Variants in DPYD observed in about 807,000 individuals in gnomAD.
DPYD encodes the protein dihydropyrimidine dehydrogenase [NADP(+)].
Under a neutral mutation model 116.2 loss-of-function variants are expected in DPYD, and 109 were observed. That is an observed-to-expected ratio of 0.94 (90% confidence interval 0.80 to 1.10). DPYD has a LOEUF of 1.10. Ranked by LOEUF, DPYD falls within the 50% of genes least tolerant of loss-of-function variation. The pLI is 0.00. For missense variants in DPYD, 1,302 were observed against 1,254.5 expected (o/e 1.04, Z -0.57); for synonymous variants, 440 against 432.0 (o/e 1.02, Z -0.23).
intron 12 of DPYD, among the ~76,000 whole-genome samples, chr1:97,524,733 T>A (rs1491001957): frequency 6.6e-6 from 1 of 152,190 alleles, no homozygotes; most frequent in African/African-American, 2.4e-5. Context: ...TAGGATGTTA[T>A]CCTTCTTGAT....
intron 19 of DPYD, among the ~76,000 whole-genome samples, chr1:97,215,073 A>ATT (rs1241897079): frequency 6.6e-6 from 1 of 152,238 alleles, no homozygotes; most frequent in Non-Finnish European, 1.5e-5. Context: ...GATGATGATA[A>ATT]TTAATAGCTT....
At chr1:97,375,845 A>T (rs1026942897) in intron 15 of DPYD, among the ~76,000 whole-genome samples, 2 of 152,186 alleles carry the variant, frequency 1.3e-5, no homozygotes, top group African/African-American at 4.8e-5. Context: ...TTTCCTGTAG[A>T]CTTCTCTATT....
intron 20 of DPYD, among the ~76,000 whole-genome samples, chr1:97,127,766 C>A (rs1340709402): frequency 6.6e-6 from 1 of 152,112 alleles, no homozygotes; most frequent in Non-Finnish European, 1.5e-5. Flanking sequence ...ATTTCCATTT[C>A]TGGAGCCATT....
chr1:97,844,534 G>A (rs972792210), intron 2 of DPYD, among the ~76,000 whole-genome samples: 3 of 152,220 alleles, frequency 2.0e-5, no homozygotes, highest in African/African-American at 7.2e-5. Flanking sequence ...GGCTCACAGA[G>A]CTTTGGGTCA....
At chr1:97,627,231 C>A (rs528872929) in intron 8 of DPYD, among the ~76,000 whole-genome samples, 1 of 152,200 alleles carries the variant, frequency 6.6e-6, no homozygotes, top group African/African-American at 2.4e-5. Context: ...GGTAAAACAT[C>A]TGCTGAGATG....
intron 10 of DPYD, among the ~76,000 whole-genome samples, chr1:97,580,209 A>T (rs1027797015): frequency 3.9e-5 from 6 of 152,256 alleles, no homozygotes; most frequent in Admixed American, 3.9e-4. Flanking sequence ...AATAAGCCAA[A>T]GTTTGAGAAG....
intron 14 of DPYD, among the ~76,000 whole-genome samples, chr1:97,438,739 G>A (rs1348635438): frequency 6.6e-6 from 1 of 151,998 alleles, no homozygotes; most frequent in African/African-American, 2.4e-5. Flanking sequence ...ACAACAGCCT[G>A]TGGGCTATCT....
intron 19 of DPYD, among the ~76,000 whole-genome samples, chr1:97,207,438 T>C (rs1258530275): frequency 6.6e-6 from 1 of 152,160 alleles, no homozygotes; most frequent in East Asian, 1.9e-4. Context: ...AAAGTACTAT[T>C]TGTCACAGAC....
Position 97,154,044 on chromosome 1 carries a change from G to A in DPYD, c.2622+39025C>T, listed in dbSNP as rs543871242. 9.9e-5 allele frequency among the ~76,000 whole-genome samples: 15 copies of A among 151,692 alleles called. No individual in the cohort carries two copies. The South Asian group carries it at 3.1e-3, about 32-fold the overall frequency. On this transcript the variant is annotated intron_variant, in intron 20 of 22. Transcript: ENST00000370192. Reference sequence around the variant, plus strand: ...AAAAGGGAACACTTTTGCACTGTTGGTAGGAATGTAAACTAGTACAACGAC... The same window carrying A: ...AAAAGGGAACACTTTTGCACTGTTGATAGGAATGTAAACTAGTACAACGAC...
At chr1:97,180,945 A>C (rs1359419085) in intron 20 of DPYD, among the ~76,000 whole-genome samples, 1 of 152,190 alleles carries the variant, frequency 6.6e-6, no homozygotes, top group East Asian at 1.9e-4. Context: ...TCAGGCATGC[A>C]ATGGTGGATT....
intron 12 of DPYD, among the ~76,000 whole-genome samples, chr1:97,528,032 G>T (rs961958965): frequency 2.6e-5 from 4 of 152,112 alleles, no homozygotes; most frequent in Non-Finnish European, 5.9e-5. Context: ...TTAAGGAAAA[G>T]AATAAATAAC....
chr1:97,837,648 T>C (rs1024642203), intron 2 of DPYD, among the ~76,000 whole-genome samples: 1 of 152,154 alleles, frequency 6.6e-6, no homozygotes, highest in African/African-American at 2.4e-5. Flanking sequence ...TGGAACCGAA[T>C]AAATAATTCA....
chr1:97,636,532 C>A (rs1020205722), intron 8 of DPYD, among the ~76,000 whole-genome samples: 10 of 152,012 alleles, frequency 6.6e-5, no homozygotes, highest in African/African-American at 2.4e-4. Context: ...TTTCTTAGTG[C>A]CTGACAAGAA....
intron 8 of DPYD, among the ~76,000 whole-genome samples, chr1:97,630,831 A>G (rs1452144257): frequency 1.3e-5 from 2 of 152,090 alleles, no homozygotes; most frequent in East Asian, 1.9e-4. Context: ...TTTTGCTACT[A>G]TTTTTTGATA....
chr1:97,353,837 A>G (rs1211449624), intron 16 of DPYD, among the ~76,000 whole-genome samples: 4 of 152,168 alleles, frequency 2.6e-5, no homozygotes, highest in Admixed American at 6.5e-5. Context: ...CATCATCAAG[A>G]TATCTATCAA....
rs1328752243 is a variant in DPYD at position 97,865,174 on chromosome 1, G to A, written c.150+18090C>T. On this transcript the variant is annotated intron_variant, in intron 2 of 22. Coordinates refer to ENST00000370192, the MANE Select transcript of DPYD (RefSeq NM_000110.4). ...GACAACTTACACAACAAGTTGGTCA[G>A]GTAAAGACTTGTCTGCCTATTATTT... Among the ~76,000 whole-genome samples, 5 of 151,896 alleles carry A rather than the reference G, an allele frequency of 3.3e-5. No individual in the cohort carries two copies. In the East Asian group the frequency reaches 9.7e-4, roughly 30 times the overall value.
intron 19 of DPYD, among the ~76,000 whole-genome samples, chr1:97,230,384 C>T (rs182644054): frequency 6.6e-5 from 10 of 152,186 alleles, no homozygotes; most frequent in East Asian, 3.9e-4. Context: ...AATACAGGAA[C>T]GGACAACCAA....
intron 20 of DPYD, among the ~76,000 whole-genome samples, chr1:97,172,995 A>T (rs1656846634): frequency 6.6e-6 from 1 of 152,052 alleles, no homozygotes; most frequent in Admixed American, 6.6e-5. Context: ...CATAACTCCG[A>T]TAGCATAATA....
chr1:97,380,919 C>T (rs1008298224), intron 15 of DPYD, among the ~76,000 whole-genome samples: 1 of 152,168 alleles, frequency 6.6e-6, no homozygotes, highest in South Asian at 2.1e-4. Flanking sequence ...TGAAATCATG[C>T]TGCTTAATGC....
Sources: gnomAD v4.1 joint callset for allele counts (sites outside exome capture counted in the v4.1 genomes callset) on GRCh38, gnomAD v4.1.1 for gene constraint, MANE v1.5 for transcripts, NCBI Gene and HGNC (gene_info 2026-07-23, HGNC 2026-07-21) for gene names.